DPH6: variants seen among roughly 807,000 people sequenced by gnomAD.
The protein encoded by DPH6 is diphthine--ammonia ligase.
Under a neutral mutation model 38.2 loss-of-function variants are expected in DPH6, and 33 were observed. The observed-to-expected ratio is 0.86, with a 90% confidence interval of 0.65 to 1.15. The LOEUF is 1.15. Ranked by LOEUF, DPH6 falls within the 50% of genes most tolerant of loss-of-function variation. The pLI, the probability that DPH6 is intolerant of heterozygous loss-of-function variation, is 0.00. For missense variants in DPH6, 325 were observed against 320.0 expected, an observed-to-expected ratio of 1.02 and a Z score of -0.12; for synonymous variants, 108 against 103.0, an observed-to-expected ratio of 1.05 and a Z score of -0.30.
intron 3 of DPH6, chr15:35,522,220 T>A: frequency 6.2e-7 from 1 of 1,613,234 alleles, no homozygotes; most frequent in Non-Finnish European, 8.5e-7. Flanking sequence ...CAAATGCATG[T>A]GAAAATCTTG....
intron 6 of DPH6, chr15:35,401,555 G>C (rs533344623): frequency 3.9e-6 from 3 of 771,540 alleles, no homozygotes; most frequent in Non-Finnish European, 7.2e-6. Flanking sequence ...GGTGGTGGTA[G>C]TGGAAGCAAT....
downstream of DPH6, among the ~76,000 whole-genome samples, chr15:35,329,124 T>C (rs1215056912): frequency 6.6e-6 from 1 of 152,126 alleles, no homozygotes; most frequent in Non-Finnish European, 1.5e-5. Flanking sequence ...CCAAACCATA[T>C]CAGTCAGTAA....
chr15:35,175,194 G>C, the DPH6 span, among the ~76,000 whole-genome samples: 4 of 152,238 alleles, frequency 2.6e-5, no homozygotes, highest in Admixed American at 6.5e-5. Flanking sequence ...CCTCTGAATG[G>C]AAAAATAATA....
intron 5 of DPH6, among the ~76,000 whole-genome samples, chr15:35,415,774 A>G (rs565754372): frequency 1.3e-5 from 2 of 152,044 alleles, no homozygotes; most frequent in Non-Finnish European, 2.9e-5. Context: ...AATTCTATGA[A>G]GCTAAAATCA....
intron 6 of DPH6, among the ~76,000 whole-genome samples, chr15:35,397,106 T>G (rs1261623230): frequency 1.3e-5 from 2 of 152,222 alleles, no homozygotes; most frequent in Non-Finnish European, 2.9e-5. Flanking sequence ...AATATGTGTC[T>G]TTCTTGTTAA....
At chr15:35,189,162 T>C in the DPH6 span, among the ~76,000 whole-genome samples, 1 of 152,214 alleles carries the variant, frequency 6.6e-6, no homozygotes, top group Non-Finnish European at 1.5e-5. Context: ...TTGACATTAT[T>C]AAATAGCTTT....
At chr15:35,435,226 T>A (rs2053682442) in intron 5 of DPH6, among the ~76,000 whole-genome samples, 1 of 152,222 alleles carries the variant, frequency 6.6e-6, no homozygotes. Flanking sequence ...AGTCTAAAGC[T>A]GCCTCCTTAC....
chr15:35,193,657 T>A, the DPH6 span, among the ~76,000 whole-genome samples: 1 of 152,202 alleles, frequency 6.6e-6, no homozygotes, highest in Non-Finnish European at 1.5e-5. Context: ...AGACTTAGAT[T>A]ACTACAAACA....
chr15:35,491,184 CAT>C (rs2054472159), intron 3 of DPH6, among the ~76,000 whole-genome samples: 1 of 151,944 alleles, frequency 6.6e-6, no homozygotes, highest in Admixed American at 6.6e-5. Flanking sequence ...CACACACACA[CAT>C]ATAACATAAA....
At chr15:35,450,294 G>A (rs1016730569) in intron 5 of DPH6, among the ~76,000 whole-genome samples, 7 of 151,578 alleles carry the variant, frequency 4.6e-5, no homozygotes, top group African/African-American at 1.2e-4. Flanking sequence ...AATGTTTTGT[G>A]TCAAATACAT....
At chr15:35,456,815 A>G (rs2054003262) in intron 3 of DPH6, among the ~76,000 whole-genome samples, 1 of 151,802 alleles carries the variant, frequency 6.6e-6, no homozygotes, top group Non-Finnish European at 1.5e-5. Context: ...AATAATTGGA[A>G]TTTATTATCC....
chr15:35,397,225 A>G (rs2053145650), intron 6 of DPH6, among the ~76,000 whole-genome samples: 1 of 152,200 alleles, frequency 6.6e-6, no homozygotes, highest in South Asian at 2.1e-4. Context: ...AGTAGTCAAT[A>G]CATTTCTGTT....
intron 5 of DPH6, among the ~76,000 whole-genome samples, chr15:35,423,338 G>T (rs182556051): frequency 6.6e-6 from 1 of 151,884 alleles, no homozygotes; most frequent in East Asian, 1.9e-4. Flanking sequence ...TCATTTGTAT[G>T]TCTCATTTGG....
intron 5 of DPH6, among the ~76,000 whole-genome samples, chr15:35,446,218 T>G (rs61075510): frequency 0.88 from 124,854 of 142,324 alleles, 55,068 homozygotes; most frequent in East Asian, 1. Context: ...TTTTCCCTTT[T>G]TTTTTTTTTC....
the DPH6 span, among the ~76,000 whole-genome samples, chr15:35,154,681 C>T: frequency 0.68 from 104,118 of 152,056 alleles, 36,568 homozygotes; most frequent in Middle Eastern, 0.78. Context: ...TACATTTTGA[C>T]TATGACTGAA....
At position 35,304,868 on chromosome 15, in the gene DPH6, TAACA is replaced by T. The variant is rs370820766; in HGVS notation, n.200+68649_200+68652del. ...CACCCTCACATTCTCTGAATACAAA[TAACA>T]AACGAACGTGATATACTTACAGAGT... On this transcript the variant is annotated intron_variant and non_coding_transcript_variant, in intron 3 of 3. Coordinates refer to the DPH6 transcript ENST00000560386. 1.1e-4 allele frequency among the ~76,000 whole-genome samples: 16 copies of T among 151,888 alleles called. No homozygotes were observed. The East Asian group carries it at 2.9e-3, about 28-fold the overall frequency.
chr15:35,501,846 G>C (rs75821779), intron 3 of DPH6, among the ~76,000 whole-genome samples: 2,451 of 152,138 alleles, frequency 0.016, 74 homozygotes, highest in African/African-American at 0.057. Context: ...GGGTAAAAAG[G>C]ACTACTTAAT....
chr15:35,488,128 T>C lies in DPH6; in HGVS notation c.313-33308A>G, dbSNP rs546646855. The stretch of plus-strand genomic sequence containing the variant: ...ACCTCAGCCCAGACTTCATTGTCCA[T>C]ATCACTATTTTTGATCATATAAGCA... On this transcript the variant is annotated intron_variant, in intron 3 of 8. Coordinates refer to ENST00000256538, the MANE Select transcript of DPH6 (RefSeq NM_080650.4). Among the ~76,000 whole-genome samples, 6 of 152,256 alleles carry C rather than the reference T, an allele frequency of 3.9e-5. No homozygotes were observed. In the East Asian group the frequency reaches 1.2e-3, roughly 29 times the overall value.
At chr15:35,494,942 A>T (rs1045494311) in intron 3 of DPH6, among the ~76,000 whole-genome samples, 1 of 152,186 alleles carries the variant, frequency 6.6e-6, no homozygotes, top group South Asian at 2.1e-4. Context: ...GTCATTATTC[A>T]CTGGTGATGT....
Sources: allele counts gnomAD v4.1 joint callset (sites outside exome capture counted in the v4.1 genomes callset), GRCh38; gene constraint gnomAD v4.1.1; transcripts MANE v1.5; gene names NCBI Gene and HGNC (gene_info 2026-07-23, HGNC 2026-07-21).